The following ROBO1 variants were observed in gnomAD, a reference collection of about 807,000 sequenced individuals.
ROBO1 encodes the protein roundabout guidance receptor 1, also known as roundabout homolog 1.
A neutral mutation model predicts 195.9 loss-of-function variants in ROBO1; 149 were observed. That is an observed-to-expected ratio of 0.76 (90% confidence interval 0.67 to 0.87). ROBO1 has a LOEUF of 0.87. Among genes scored for constraint, ROBO1 ranks in the 40% least tolerant of loss-of-function variants. ROBO1 has a pLI of 0.00. For missense variants in ROBO1, 1,933 were observed against 2,068.3 expected (o/e 0.93, Z 1.27); for synonymous variants, 816 against 733.2 (o/e 1.11, Z -1.82).
intron 2 of ROBO1, among the ~76,000 whole-genome samples, chr3:79,284,180 G>A (rs1014291935): frequency 5.9e-5 from 9 of 151,760 alleles, no homozygotes; most frequent in African/African-American, 2.2e-4. Context: ...ATATGTCGAT[G>A]TTCTTTCTTT....
chr3:78,833,217 TG>T (rs2032391949), intron 4 of ROBO1, among the ~76,000 whole-genome samples: 1 of 151,260 alleles, frequency 6.6e-6, no homozygotes, highest in East Asian at 2.0e-4. Context: ...AAAATAAGGA[TG>T]AAAAAAAAGG....
intron 2 of ROBO1, among the ~76,000 whole-genome samples, chr3:79,426,358 T>TTTG (rs769068911): frequency 2.6e-5 from 4 of 152,088 alleles, no homozygotes; most frequent in Non-Finnish European, 2.9e-5. Context: ...CATATATAAT[T>TTTG]TTGTTGTTGT....
chr3:79,482,703 A>G (rs1938927381), intron 2 of ROBO1, among the ~76,000 whole-genome samples: 1 of 152,226 alleles, frequency 6.6e-6, no homozygotes, highest in Admixed American at 6.5e-5. Flanking sequence ...GACAGTATAA[A>G]ATAAGTGCAA....
chr3:79,092,555 G>C (rs2079498635), intron 3 of ROBO1, among the ~76,000 whole-genome samples: 1 of 152,126 alleles, frequency 6.6e-6, no homozygotes, highest in Admixed American at 6.6e-5. Context: ...AGAGGATTTT[G>C]CAACTATCTT....
chr3:79,560,558 T>TATATATATATATATATATATATAC lies in ROBO1; in HGVS notation c.88+29265_88+29266insGTATATATATATATATATATATAT, dbSNP rs5850439. Among the ~76,000 whole-genome samples the TATATATATATATATATATATATAC allele has an allele frequency of 2.5e-3, 320 of 129,426 alleles. 2 individuals are homozygous for TATATATATATATATATATATATAC. Among genetic ancestry groups the TATATATATATATATATATATATAC allele is most frequent in the Middle Eastern group, 4.1e-3 (1 of 244 alleles). The allele number at this position is 129,426 out of a possible 152,430, so 84.9% of individuals were successfully genotyped here. On this transcript the variant is annotated intron_variant, in intron 2 of 30. Transcript: ENST00000464233. The stretch of plus-strand genomic sequence containing the variant: ...AATTATATATATATATATATATATA[T>TATATATATATATATATATATATAC]ACACATACACATACATAAAAAAAAA...
At chr3:78,727,735 A>G (rs1024305633) in intron 5 of ROBO1, among the ~76,000 whole-genome samples, 1 of 152,214 alleles carries the variant, frequency 6.6e-6, no homozygotes, top group Non-Finnish European at 1.5e-5. Flanking sequence ...CTACATTTTA[A>G]TGTAGTTAGC....
At chr3:79,577,255 C>T (rs886431636) in intron 2 of ROBO1, among the ~76,000 whole-genome samples, 1 of 152,052 alleles carries the variant, frequency 6.6e-6, no homozygotes, top group Non-Finnish European at 1.5e-5. Context: ...TTTTTAGCGT[C>T]ATTTATTTAC....
At chr3:78,652,304 C>T (rs1370026) in intron 18 of ROBO1, among the ~76,000 whole-genome samples, 142,855 of 152,212 alleles carry the variant, frequency 0.94, 67,281 homozygotes, top group East Asian at 1. Context: ...TTAATACACA[C>T]ACAAATAATA....
chr3:78,819,059 T>C (rs141478038), intron 4 of ROBO1, among the ~76,000 whole-genome samples: 9 of 152,176 alleles, frequency 5.9e-5, no homozygotes, highest in East Asian at 1.9e-4. Flanking sequence ...CTGGCGACCA[T>C]TGGGGGTCTT....
chr3:78,763,207 A>C (rs541317321), intron 4 of ROBO1, among the ~76,000 whole-genome samples: 2 of 152,188 alleles, frequency 1.3e-5, no homozygotes, highest in Admixed American at 6.5e-5. Flanking sequence ...GTTGGTATCA[A>C]AGCAACAATT....
chr3:79,366,657 AC>A (rs1174526089), intron 2 of ROBO1, among the ~76,000 whole-genome samples: 2 of 152,130 alleles, frequency 1.3e-5, no homozygotes, highest in Admixed American at 1.3e-4. Flanking sequence ...AGGGCACATA[AC>A]GGCCACCAAT....
intron 2 of ROBO1, among the ~76,000 whole-genome samples, chr3:79,349,335 C>A (rs13067596): frequency 6.6e-6 from 1 of 151,848 alleles, no homozygotes; most frequent in African/African-American, 2.4e-5. Context: ...GGAAAATAAC[C>A]ATATTCACTG....
chr3:79,157,492 T>C lies in ROBO1; in HGVS notation c.89-31953A>G, dbSNP rs989141792. ...GGAAGGAAAAAAACACAAACACCCA[T>C]ATATTTTAAGTAGCTTCTGCCATCA... is the stretch of plus-strand genomic sequence containing the variant. On this transcript the variant is annotated intron_variant, in intron 2 of 30. Transcript: ENST00000464233. 2.0e-5 allele frequency among the ~76,000 whole-genome samples: 3 copies of C among 151,890 alleles called. No homozygotes were observed. In the East Asian group the frequency reaches 5.8e-4, roughly 29 times the overall value.
intron 1 of ROBO1, among the ~76,000 whole-genome samples, chr3:79,631,030 G>A (rs778759811): frequency 2.0e-5 from 3 of 151,604 alleles, no homozygotes; most frequent in East Asian, 3.9e-4. Flanking sequence ...AATCAATACA[G>A]GTAAAATGAC....
intron 1 of ROBO1, among the ~76,000 whole-genome samples, chr3:79,593,697 G>A (rs931337984): frequency 2.7e-4 from 41 of 151,784 alleles, no homozygotes; most frequent in Non-Finnish European, 5.7e-4. Context: ...TGCAACCTCC[G>A]CCTCCCAGGC....
At chr3:79,058,149 C>T (rs997973548) in intron 3 of ROBO1, among the ~76,000 whole-genome samples, 2 of 151,916 alleles carry the variant, frequency 1.3e-5, no homozygotes, top group African/African-American at 2.4e-5. Context: ...TTTTGAGGCC[C>T]CATCTAAAAC....
intron 2 of ROBO1, among the ~76,000 whole-genome samples, chr3:79,495,494 C>G (rs1371506940): frequency 6.6e-6 from 1 of 151,982 alleles, no homozygotes; most frequent in African/African-American, 2.4e-5. Flanking sequence ...ATATCTAAGG[C>G]TAAGCAACCA....
chr3:78,806,769 CTG>C (rs748986519), intron 4 of ROBO1, among the ~76,000 whole-genome samples: 23 of 152,172 alleles, frequency 1.5e-4, no homozygotes, highest in Non-Finnish European at 2.5e-4. Flanking sequence ...TAATATTCTA[CTG>C]TGTCTTAGTC....
chr3:78,986,005 T>C (rs1222715683), intron 3 of ROBO1, among the ~76,000 whole-genome samples: 1 of 152,064 alleles, frequency 6.6e-6, no homozygotes, highest in Non-Finnish European at 1.5e-5. Flanking sequence ...TTAATGATCA[T>C]GCACAAGAAA....
Sources: allele counts gnomAD v4.1 joint callset (sites outside exome capture counted in the v4.1 genomes callset), GRCh38; gene constraint gnomAD v4.1.1; transcripts MANE v1.5; gene names NCBI Gene and HGNC (gene_info 2026-07-23, HGNC 2026-07-21).